The following ATF7IP variants were observed in gnomAD, a reference collection of about 807,000 sequenced individuals.
ATF7IP encodes activating transcription factor 7 interacting protein.
In ATF7IP, 23 loss-of-function variants were observed where a neutral mutation model predicts 106.4. The ratio of observed to expected loss-of-function variants is 0.22; its 90% CI spans 0.16 to 0.31. The LOEUF (loss-of-function observed/expected upper bound fraction) is 0.31, where lower values mean the gene tolerates loss of function less well. Among genes scored for constraint, ATF7IP ranks in the 10% least tolerant of loss-of-function variants. The pLI, the probability that ATF7IP is intolerant of heterozygous loss-of-function variation, is 1.00. For missense variants in ATF7IP, 1,334 were observed against 1,524.3 expected, an observed-to-expected ratio of 0.88 and a Z score of 2.08; for synonymous variants, 542 against 539.0, an observed-to-expected ratio of 1.01 and a Z score of -0.08.
chr12:14,385,411 A>G, intron 1 of ATF7IP: 1 of 1,532,454 alleles, frequency 6.5e-7, no homozygotes. Context: ...GTAAGAACCA[A>G]TTACTCTTTT....
intron 1 of ATF7IP, among the ~76,000 whole-genome samples, chr12:14,377,250 C>T (rs1447507199): frequency 6.6e-6 from 1 of 151,950 alleles, no homozygotes. Flanking sequence ...CTGCTTCGGC[C>T]TCCCAAAGTG....
intron 1 of ATF7IP, among the ~76,000 whole-genome samples, chr12:14,415,478 G>T (rs1204540138): frequency 1.3e-5 from 2 of 152,134 alleles, no homozygotes; most frequent in South Asian, 4.1e-4. Context: ...GGAATTGTTG[G>T]TAACCTTGTC....
chr12:14,478,173 T>A, intron 11 of ATF7IP, 144 bp from the exon 12 acceptor site: 1 of 755,122 alleles, frequency 1.3e-6, no homozygotes, highest in Non-Finnish European at 2.1e-6. Context: ...AAAATACACG[T>A]AAGTAAAATG....
At chr12:14,444,993 T>G (rs1942880827) in intron 5 of ATF7IP, among the ~76,000 whole-genome samples, 2 of 148,944 alleles carry the variant, frequency 1.3e-5, no homozygotes, top group Non-Finnish European at 1.5e-5. Context: ...CCACCTAGTT[T>G]TTTTTTTTTT....
At chr12:14,479,230 A>G (rs541547124) in intron 12 of ATF7IP, among the ~76,000 whole-genome samples, 1 of 152,326 alleles carries the variant, frequency 6.6e-6, no homozygotes, top group East Asian at 1.9e-4. Flanking sequence ...TCTGAGTGTA[A>G]CCAAGAAGTT....
At chr12:14,414,347 T>A (rs747120603) in intron 1 of ATF7IP, among the ~76,000 whole-genome samples, 5 of 152,266 alleles carry the variant, frequency 3.3e-5, no homozygotes, top group Admixed American at 6.5e-5. Context: ...GTACACCATG[T>A]CTAAGCAAAA....
In ATF7IP at chr12:14,424,755, T is replaced by C. The variant is rs1941746997; in HGVS notation, c.840T>C (p.Thr280=). 1 of 1,614,094 alleles carries C rather than the reference T, an allele frequency of 6.2e-7. No homozygotes were observed. The highest frequency in any genetic ancestry group is 1.1e-5 in the South Asian group (1 of 91,086). The change falls in exon 2 of 15, where the codon ACT becomes ACC. Residue 280 remains threonine (T), a synonymous_variant. Transcript: ENST00000261168. ...ATGELASDEL[T]SESTFDRTFE... ...GTGAACTGGCCTCTGATGAGCTGAC[T>C]TCTGAATCAACCTTTGATCGTACCT...
chr12:14,459,357 AT>A (rs1354347973), intron 8 of ATF7IP, among the ~76,000 whole-genome samples: 1 of 152,200 alleles, frequency 6.6e-6, no homozygotes, highest in Non-Finnish European at 1.5e-5. Flanking sequence ...CACATGGAAT[AT>A]TAAGAAAAGA....
At chr12:14,490,858 TTA>T (rs1944792559) in intron 13 of ATF7IP, among the ~76,000 whole-genome samples, 1 of 152,170 alleles carries the variant, frequency 6.6e-6, no homozygotes, top group South Asian at 2.1e-4. Context: ...ATGACCCACT[TTA>T]TGGCTAAGTG....
chr12:14,436,023 A>T (rs775233692), intron 3 of ATF7IP, 83 bp from the exon 4 acceptor site: 7 of 1,375,616 alleles, frequency 5.1e-6, no homozygotes, highest in Non-Finnish European at 7.0e-6. Flanking sequence ...TGATAGAAAT[A>T]ATATTTTGCT....
intron 9 of ATF7IP, among the ~76,000 whole-genome samples, chr12:14,463,778 A>G (rs1479351108): frequency 2.0e-5 from 3 of 152,204 alleles, no homozygotes; most frequent in Non-Finnish European, 2.9e-5. Flanking sequence ...TGGTGGTATG[A>G]AAAAGATTTA....
At chr12:14,468,755 T>C (rs1943929234) in intron 10 of ATF7IP, among the ~76,000 whole-genome samples, 1 of 152,202 alleles carries the variant, frequency 6.6e-6, no homozygotes, top group African/African-American at 2.4e-5. Flanking sequence ...AGGAGTTTTA[T>C]TGTGTAATAA....
intron 10 of ATF7IP, among the ~76,000 whole-genome samples, chr12:14,473,807 T>G (rs7138200): frequency 0.91 from 135,215 of 149,162 alleles, 61,468 homozygotes; most frequent in South Asian, 0.96. Context: ...TTCTTAAAGG[T>G]TTTTTTTTTT....
intron 4 of ATF7IP, among the ~76,000 whole-genome samples, chr12:14,437,783 G>A (rs555713169): frequency 1.3e-4 from 20 of 152,216 alleles, no homozygotes; most frequent in Non-Finnish European, 1.8e-4. Context: ...GCCGGGCGCG[G>A]TGGCTCACGC....
chr12:14,479,523 CA>C (rs1944366463), intron 12 of ATF7IP, among the ~76,000 whole-genome samples: 1 of 152,096 alleles, frequency 6.6e-6, no homozygotes, highest in African/African-American at 2.4e-5. Context: ...GGGTTTTATC[CA>C]GTGAAATTTA....
At position 14,425,037 on chromosome 12, in the gene ATF7IP, T is replaced by A. The variant is rs372397201; in HGVS notation, c.1122T>A (p.Asp374Glu). The part of the protein sequence containing the change: ...PPENEKKVEE[D>E]IITELALGED... ...AAAATGAAAAGAAGGTAGAGGAAGA[T>A]ATTATCACAGAGCTTGCTCTTGGAG... The change falls in exon 2 of 15, where the codon GAT (aspartate) becomes GAA (glutamate). Residue 374 changes from aspartate to glutamate, a missense_variant. This residue lies in a region of ATF7IP where 438 missense variants were observed against 405.3 expected (regional missense o/e 1.08). Transcript: ENST00000261168. The A allele has an allele frequency of 7.5e-6, 12 of 1,609,684 alleles. No individual in the cohort carries two copies. The African/African-American group carries it at 1.5e-4, about 20-fold the overall frequency.
rs767306184 is a variant in ATF7IP at position 14,460,835 on chromosome 12, A to G, written c.2499A>G (p.Val833=). Reference sequence around the variant, plus strand: ...TGAGTGGTCTTACCAAAAATCCAGTATCCTTGCCATCCTTGCCAAATCCCA... The same window carrying G: ...TGAGTGGTCTTACCAAAAATCCAGTGTCCTTGCCATCCTTGCCAAATCCCA... ...PTVSGLTKNP[V]SLPSLPNPTK... The change falls in exon 9 of 15, where the codon GTA becomes GTG. Residue 833 remains valine (V), a synonymous_variant. Transcript: ENST00000261168. The G allele has an allele frequency of 6.2e-6, 10 of 1,614,048 alleles. No homozygotes were observed. In the East Asian group the frequency reaches 1.1e-4, roughly 18 times the overall value.
intron 6 of ATF7IP, among the ~76,000 whole-genome samples, chr12:14,447,963 C>T (rs1943051328): frequency 6.6e-6 from 1 of 151,892 alleles, no homozygotes; most frequent in African/African-American, 2.4e-5. Flanking sequence ...ATCATTTTGC[C>T]ACTCTTCTGT....
rs372036691 is a variant in ATF7IP at position 14,434,369 on chromosome 12, C to T, written c.1591C>T (p.Pro531Ser). ...EVESNEKDNKPEEEEQVIHED... is the reference protein window; with the variant it reads ...EVESNEKDNKSEEEEQVIHED... ...AGAAAGTAATGAAAAGGACAACAAA[C>T]CTGAGGAAGAAGAGCAAGTAATACA... The change falls in exon 3 of 15, where the codon CCT becomes TCT. Residue 531 changes from proline to serine, a missense_variant. Physicochemically the swap from Pro to Ser is moderately conservative, Grantham distance 74 (BLOSUM62 -1). Coordinates refer to ENST00000261168, the MANE Select transcript of ATF7IP (RefSeq NM_018179.5). 1.2e-5 allele frequency: 19 copies of T among 1,590,968 alleles called. No homozygotes were observed. In the East Asian group the frequency reaches 4.3e-4, roughly 36 times the overall value.
Sources: allele counts gnomAD v4.1 joint callset (sites outside exome capture counted in the v4.1 genomes callset), GRCh38; gene constraint gnomAD v4.1.1; regional missense constraint gnomAD v4.1.1; transcripts MANE v1.5; gene names NCBI Gene and HGNC (gene_info 2026-07-23, HGNC 2026-07-21).